PDE6D: variants seen among roughly 807,000 people sequenced by gnomAD.
PDE6D encodes retinal rod rhodopsin-sensitive cGMP 3',5'-cyclic phosphodiesterase subunit delta.
Under a neutral mutation model 21.9 loss-of-function variants are expected in PDE6D, and 10 were observed. The ratio of observed to expected loss-of-function variants is 0.46; its 90% CI spans 0.28 to 0.78. PDE6D has a LOEUF of 0.78. Ranked by LOEUF, PDE6D falls within the 30% of genes least tolerant of loss-of-function variation. The pLI, the probability that PDE6D is intolerant of heterozygous loss-of-function variation, is 0.12. For synonymous variants in PDE6D, 59 were observed against 63.5 expected, an observed-to-expected ratio of 0.93 and a Z score of 0.34; for missense variants, 139 against 184.8, an observed-to-expected ratio of 0.75 and a Z score of 1.44.
chr2:231,746,331 CG>C (rs1425362895), intron 1 of PDE6D, among the ~76,000 whole-genome samples: 1 of 152,046 alleles, frequency 6.6e-6, no homozygotes, highest in Admixed American at 6.6e-5. Context: ...TTAGTACAGA[CG>C]GGGTTTCACT....
chr2:231,780,315 A>G (rs2049098577), intron 1 of PDE6D, among the ~76,000 whole-genome samples: 1 of 152,174 alleles, frequency 6.6e-6, no homozygotes, highest in Non-Finnish European at 1.5e-5. Flanking sequence ...CTCGGCTAGG[A>G]GTCCCAGCGC....
At chr2:231,743,917 C>T in intron 1 of PDE6D, among the ~76,000 whole-genome samples, 1 of 152,200 alleles carries the variant, frequency 6.6e-6, no homozygotes, top group Non-Finnish European at 1.5e-5. Context: ...CTGTCCCAGG[C>T]AGCTAAGCCC....
intron 1 of PDE6D, among the ~76,000 whole-genome samples, chr2:231,758,658 G>A (rs999155186): frequency 2.6e-5 from 4 of 152,122 alleles, no homozygotes; most frequent in Non-Finnish European, 5.9e-5. Flanking sequence ...CTGAAGCCAG[G>A]GTGGGGAACC....
intron 4 of PDE6D, among the ~76,000 whole-genome samples, chr2:231,735,716 A>C (rs950884849): frequency 6.9e-6 from 1 of 144,966 alleles, no homozygotes; most frequent in Non-Finnish European, 1.5e-5. Flanking sequence ...TGGCTGTTAA[A>C]AAAACTATTA....
intron 1 of PDE6D, among the ~76,000 whole-genome samples, chr2:231,745,279 C>T (rs147612076): frequency 2.2e-3 from 334 of 151,136 alleles, no homozygotes; most frequent in African/African-American, 7.8e-3. Flanking sequence ...AAATGAAAGA[C>T]AAGCTTTGAT....
intron 1 of PDE6D, among the ~76,000 whole-genome samples, chr2:231,743,428 CAA>C (rs34916848): frequency 1.0e-3 from 60 of 59,036 alleles, no homozygotes; most frequent in East Asian, 3.0e-3. Flanking sequence ...GATTCCGTCT[CAA>C]AAAAAAAAAA....
chr2:231,743,339 G>T (rs972029068), intron 1 of PDE6D, among the ~76,000 whole-genome samples: 1 of 149,690 alleles, frequency 6.7e-6, no homozygotes, highest in African/African-American at 2.5e-5. Context: ...CAGGAGAATC[G>T]CTTGAACAGA....
chr2:231,775,692 G>A (rs2049050716), intron 1 of PDE6D, among the ~76,000 whole-genome samples: 1 of 151,806 alleles, frequency 6.6e-6, no homozygotes, highest in Non-Finnish European at 1.5e-5. Context: ...TTTTCTTCTA[G>A]GAACTGCTTG....
chr2:231,757,985 T>G (rs756224332), intron 1 of PDE6D, among the ~76,000 whole-genome samples: 20 of 152,028 alleles, frequency 1.3e-4, no homozygotes, highest in Non-Finnish European at 2.2e-4. Flanking sequence ...AAAAAAGAAA[T>G]AACTGTAATC....
chr2:231,759,245 T>C (rs2048907118), intron 1 of PDE6D, among the ~76,000 whole-genome samples: 1 of 151,906 alleles, frequency 6.6e-6, no homozygotes, highest in Non-Finnish European at 1.5e-5. Flanking sequence ...TTAGCCCAGA[T>C]GTCAAGGCTG....
At chr2:231,746,616 T>C (rs935698512) in intron 1 of PDE6D, among the ~76,000 whole-genome samples, 17 of 152,122 alleles carry the variant, frequency 1.1e-4, no homozygotes, top group South Asian at 4.1e-4. Flanking sequence ...ATAGTCAACA[T>C]CATTTTTTAT....
At position 231,754,244 on chromosome 2, in the gene PDE6D, C is replaced by T. The variant is rs562341286; in HGVS notation, c.51-15056G>A. Among the ~76,000 whole-genome samples the T allele has an allele frequency of 4.5e-4, 68 of 152,286 alleles. 2 individuals are homozygous for T. The highest frequency in any genetic ancestry group is 1.6e-3 in the African/African-American group (68 of 41,570). Reference sequence around the variant, plus strand: ...CTACAAGTGCCCCAGATGTACCATACCATGTACCAACTGCAGAGTAAAGCC... The same window carrying T: ...CTACAAGTGCCCCAGATGTACCATATCATGTACCAACTGCAGAGTAAAGCC... On this transcript the variant is annotated intron_variant, in intron 1 of 4. Coordinates refer to ENST00000287600, the MANE Select transcript of PDE6D (RefSeq NM_002601.4).
At chr2:231,747,950 G>A (rs2106268494) in intron 1 of PDE6D, among the ~76,000 whole-genome samples, 1 of 152,174 alleles carries the variant, frequency 6.6e-6, no homozygotes. Context: ...TTCACCTCCC[G>A]CCATGATTCT....
chr2:231,734,083 G>C (rs1037721193), intron 4 of PDE6D, among the ~76,000 whole-genome samples: 1 of 151,864 alleles, frequency 6.6e-6, no homozygotes, highest in Non-Finnish European at 1.5e-5. Context: ...GCGTGGTGGC[G>C]GGCGCCTATA....
At chr2:231,761,389 G>GC (rs398105432) in intron 1 of PDE6D, among the ~76,000 whole-genome samples, 1 of 152,002 alleles carries the variant, frequency 6.6e-6, no homozygotes, top group Non-Finnish European at 1.5e-5. Context: ...TGTTAGCCAG[G>GC]ATGGTCTCAA....
rs540982883 is a variant in PDE6D at position 231,734,612 on chromosome 2, C to T, written c.372-1579G>A. Among the ~76,000 whole-genome samples the T allele has an allele frequency of 6.0e-5, 9 of 151,254 alleles. No homozygotes were observed. The South Asian group carries it at 1.9e-3, about 32-fold the overall frequency. On this transcript the variant is annotated intron_variant, in intron 4 of 4. Transcript: ENST00000287600. ...ATCCCAGCACTTTGGGAGGCTGAGG[C>T]GGGCAGATCATGAGGTCAGGAGATC...
chr2:231,771,436 A>T (rs2049015080), intron 1 of PDE6D, among the ~76,000 whole-genome samples: 1 of 152,188 alleles, frequency 6.6e-6, no homozygotes, highest in African/African-American at 2.4e-5. Context: ...TCGATCCTCA[A>T]TTCCTTAGTC....
chr2:231,741,979 C>T (rs938703142), intron 1 of PDE6D, among the ~76,000 whole-genome samples: 10 of 152,052 alleles, frequency 6.6e-5, no homozygotes, highest in African/African-American at 2.4e-4. Flanking sequence ...GGAAACATTA[C>T]GACATAGCCA....
At chr2:231,748,275 AT>A (rs1039524959) in intron 1 of PDE6D, among the ~76,000 whole-genome samples, 10 of 152,196 alleles carry the variant, frequency 6.6e-5, no homozygotes, top group Admixed American at 1.3e-4. Context: ...TAAAATTCAG[AT>A]GGAGATGAGG....
Sources: allele counts gnomAD v4.1 joint callset (sites outside exome capture counted in the v4.1 genomes callset), GRCh38; gene constraint gnomAD v4.1.1; transcripts MANE v1.5; gene names NCBI Gene and HGNC (gene_info 2026-07-23, HGNC 2026-07-21).